KITLG: variants seen among roughly 807,000 people sequenced by gnomAD.
KITLG encodes KIT ligand, also known as c-Kit ligand.
KITLG carries 13 observed loss-of-function variants against 34.1 expected under a neutral mutation model. The observed-to-expected ratio is 0.38, with a 90% confidence interval of 0.25 to 0.61. The LOEUF (loss-of-function observed/expected upper bound fraction) is 0.61. Ranked by LOEUF, KITLG falls within the 20% of genes least tolerant of loss-of-function variation. The pLI, the probability that KITLG is intolerant of heterozygous loss-of-function variation, is 0.60. For missense variants in KITLG, 292 were observed against 318.9 expected (o/e 0.92, Z 0.64); for synonymous variants, 110 against 104.0 (o/e 1.06, Z -0.35).
chr12:88,533,622 T>C (rs531320627), intron 2 of KITLG, among the ~76,000 whole-genome samples: 75 of 152,300 alleles, frequency 4.9e-4, no homozygotes, highest in Non-Finnish European at 9.3e-4. Flanking sequence ...TATTAAAAAG[T>C]AGTTTTGCAC....
intron 2 of KITLG, among the ~76,000 whole-genome samples, chr12:88,538,930 T>C (rs1016173537): frequency 6.6e-6 from 1 of 152,192 alleles, no homozygotes; most frequent in Non-Finnish European, 1.5e-5. Context: ...AACCATTTAC[T>C]GTCTTCTTTG....
At chr12:88,542,550 A>C (rs1870554181) in intron 2 of KITLG, among the ~76,000 whole-genome samples, 1 of 152,140 alleles carries the variant, frequency 6.6e-6, no homozygotes, top group African/African-American at 2.4e-5. Context: ...AAATCTCAAC[A>C]GTCACTCATG....
At chr12:88,529,988 T>G (rs1483535358) in intron 3 of KITLG, among the ~76,000 whole-genome samples, 2 of 152,226 alleles carry the variant, frequency 1.3e-5, no homozygotes, top group Non-Finnish European at 2.9e-5. Flanking sequence ...ATCAGCTTTA[T>G]TTTCACAAGC....
At chr12:88,524,559 T>C (rs1441535137) in intron 3 of KITLG, among the ~76,000 whole-genome samples, 1 of 152,148 alleles carries the variant, frequency 6.6e-6, no homozygotes, top group Non-Finnish European at 1.5e-5. Context: ...TAAATAAATT[T>C]CATTATACTT....
At chr12:88,507,802 A>C (rs1275563690) in intron 6 of KITLG, among the ~76,000 whole-genome samples, 2 of 152,284 alleles carry the variant, frequency 1.3e-5, no homozygotes, top group East Asian at 3.9e-4. Context: ...ACTACGTCTA[A>C]ATAAGAAACT....
chr12:88,532,420 T>A, intron 3 of KITLG, 21 bp downstream of exon 3: 1 of 1,566,216 alleles, frequency 6.4e-7, no homozygotes, highest in South Asian at 1.1e-5. Context: ...AAAATGAAAC[T>A]CAGAAATGTA....
intron 3 of KITLG, among the ~76,000 whole-genome samples, chr12:88,530,861 T>C (rs537922627): frequency 3.3e-5 from 5 of 152,338 alleles, no homozygotes; most frequent in African/African-American, 1.2e-4. Context: ...AATGACAGCC[T>C]TGTAGTCTTT....
chr12:88,515,858 C>T, intron 5 of KITLG, among the ~76,000 whole-genome samples: 1 of 151,456 alleles, frequency 6.6e-6, no homozygotes, highest in Non-Finnish European at 1.5e-5. Context: ...AATAATGACA[C>T]ATTGATGGTA....
chr12:88,501,321 G>C (rs1036279572), intron 9 of KITLG, among the ~76,000 whole-genome samples: 2 of 152,112 alleles, frequency 1.3e-5, no homozygotes, highest in Non-Finnish European at 2.9e-5. Flanking sequence ...ATAAACCTGA[G>C]TCATTCCTTG....
chr12:88,542,701 C>T (rs1250486701), intron 2 of KITLG, among the ~76,000 whole-genome samples: 3 of 152,014 alleles, frequency 2.0e-5, no homozygotes, highest in Non-Finnish European at 4.4e-5. Flanking sequence ...GATACTTCTA[C>T]ATAAATAACT....
chr12:88,506,073 C>A (rs1869045184), intron 8 of KITLG, among the ~76,000 whole-genome samples: 1 of 152,116 alleles, frequency 6.6e-6, no homozygotes. Context: ...AGAGGTAACC[C>A]CTTTACAAAC....
intron 2 of KITLG, among the ~76,000 whole-genome samples, chr12:88,544,904 C>G (rs1168034084): frequency 6.6e-6 from 1 of 152,170 alleles, no homozygotes; most frequent in East Asian, 1.9e-4. Flanking sequence ...TCATCCTTTT[C>G]TCCATATCAC....
chr12:88,494,507 A>G lies in KITLG; in HGVS notation c.*2712T>C, dbSNP rs1868535559. The G allele has an allele frequency of 6.6e-6, 1 of 152,394 alleles. No individual in the cohort carries two copies. The highest frequency in any genetic ancestry group is 2.4e-5 in the African/African-American group (1 of 41,402). The allele number at this position is 152,394 out of a possible 1,614,324, so 9.4% of individuals were successfully genotyped here. ...CTTTTCACATACTTTTTAAGAGAAT[A>G]GGCTACTTGTTCTATTATTGTATTG... On this transcript the variant is annotated 3_prime_UTR_variant, in exon 10 of 10. Coordinates refer to ENST00000644744, the MANE Select transcript of KITLG (RefSeq NM_000899.5).
intron 1 of KITLG, among the ~76,000 whole-genome samples, chr12:88,554,534 A>T (rs1331971259): frequency 1.3e-5 from 2 of 152,162 alleles, no homozygotes; most frequent in Non-Finnish European, 1.5e-5. Context: ...TGTAGCCCAA[A>T]TGTATTTTGG....
At chr12:88,573,864 G>C (rs1430342758) in intron 1 of KITLG, among the ~76,000 whole-genome samples, 1 of 152,128 alleles carries the variant, frequency 6.6e-6, no homozygotes, top group Non-Finnish European at 1.5e-5. Flanking sequence ...AAGAGCAAAG[G>C]CATTCTTTGT....
At chr12:88,562,427 G>C (rs951212357) in intron 1 of KITLG, among the ~76,000 whole-genome samples, 5 of 152,170 alleles carry the variant, frequency 3.3e-5, no homozygotes, top group African/African-American at 1.2e-4. Context: ...TCTTACACTT[G>C]ACTGTGAGCA....
intron 9 of KITLG, among the ~76,000 whole-genome samples, chr12:88,503,108 G>T (rs897592481): frequency 6.6e-6 from 1 of 152,294 alleles, no homozygotes; most frequent in African/African-American, 2.4e-5. Flanking sequence ...AATAGAGGGT[G>T]CTATTCATGC....
At chr12:88,560,680 A>G (rs919215688) in intron 1 of KITLG, among the ~76,000 whole-genome samples, 3 of 152,204 alleles carry the variant, frequency 2.0e-5, no homozygotes, top group Admixed American at 2.0e-4. Context: ...TTTAGAAAAC[A>G]GTGTGTTGGC....
At chr12:88,523,948 T>C (rs1013635846) in intron 3 of KITLG, among the ~76,000 whole-genome samples, 1 of 152,220 alleles carries the variant, frequency 6.6e-6, no homozygotes, top group Non-Finnish European at 1.5e-5. Context: ...ATATGTGTTA[T>C]TTCCCAGGGC....
Sources: gnomAD v4.1 joint callset for allele counts (sites outside exome capture counted in the v4.1 genomes callset) on GRCh38, gnomAD v4.1.1 for gene constraint, MANE v1.5 for transcripts, NCBI Gene and HGNC (gene_info 2026-07-23, HGNC 2026-07-21) for gene names.